Variants in WDR64 observed in about 807,000 individuals in gnomAD.
WDR64 encodes the protein WD repeat-containing protein 64.
In WDR64, 112 loss-of-function variants were observed where a neutral mutation model predicts 139.3. The ratio of observed to expected loss-of-function variants is 0.80; its 90% CI spans 0.69 to 0.94. WDR64 has a LOEUF of 0.94. Ranked by LOEUF, WDR64 falls within the 40% of genes least tolerant of loss-of-function variation. The pLI, the probability that WDR64 is intolerant of heterozygous loss-of-function variation, is 0.00. For synonymous variants in WDR64, 444 were observed against 437.7 expected (o/e 1.01, Z -0.18); for missense variants, 1,206 against 1,293.1 (o/e 0.93, Z 1.03).
In WDR64 at chr1:241,775,163, C is replaced by T. The variant is rs768479175; in HGVS notation, c.2489C>T (p.Ser830Leu). The T allele has an allele frequency of 1.0e-5, 16 of 1,550,988 alleles. No individual in the cohort carries two copies. In the East Asian group the frequency reaches 1.7e-4, roughly 17 times the overall value. ...FTKHSAISLT[S>L]LYTDSCTRIL... ...AAACATTCTGCCATTTCTCTGACAT[C>T]GCTGTATACTGATTCATGTACGAGG... The change falls in exon 21 of 28, where the codon TCG becomes TTG. Residue 830 changes from serine to leucine, a missense_variant. Physicochemically the swap from Ser to Leu is moderately radical, Grantham distance 145 (BLOSUM62 -2). Transcript: ENST00000437684.
At chr1:241,747,948 A>G (rs1390608735) in intron 13 of WDR64, among the ~76,000 whole-genome samples, 1 of 152,168 alleles carries the variant, frequency 6.6e-6, no homozygotes, top group East Asian at 1.9e-4. Flanking sequence ...ATGAGAGTAC[A>G]GCGCTTCTAA....
chr1:241,691,789 A>G lies in WDR64; in HGVS notation c.974+4194A>G, dbSNP rs530991032. On this transcript the variant is annotated intron_variant, in intron 8 of 27. Coordinates refer to ENST00000437684, the MANE Select transcript of WDR64 (RefSeq NM_001367482.1). ...AGCACTTTGGGGGGCCAAGGCGGGC[A>G]GATCACCTGTGCTCAGGAGTTCAAG... Among the ~76,000 whole-genome samples the G allele has an allele frequency of 4.6e-5, 7 of 152,298 alleles. No homozygotes were observed. The South Asian group carries it at 6.2e-4, about 14-fold the overall frequency.
intron 2 of WDR64, among the ~76,000 whole-genome samples, chr1:241,668,622 T>C (rs909963526): frequency 6.7e-6 from 1 of 150,358 alleles, no homozygotes; most frequent in African/African-American, 2.4e-5. Context: ...TTTAAAATAC[T>C]ACCCTTGGCC....
At chr1:241,677,535 C>T (rs1210948375) in intron 4 of WDR64, among the ~76,000 whole-genome samples, 1 of 152,216 alleles carries the variant, frequency 6.6e-6, no homozygotes, top group Non-Finnish European at 1.5e-5. Flanking sequence ...CAGTGAAATA[C>T]TTCAACTACT....
At chr1:241,661,139 A>T (rs2148056550) in intron 2 of WDR64, among the ~76,000 whole-genome samples, 1 of 151,952 alleles carries the variant, frequency 6.6e-6, no homozygotes, top group South Asian at 2.1e-4. Context: ...AAATTAAATA[A>T]TTTTTATAAA....
chr1:241,682,487 T>C (rs963378661), intron 6 of WDR64, among the ~76,000 whole-genome samples: 2 of 151,338 alleles, frequency 1.3e-5, no homozygotes, highest in African/African-American at 4.8e-5. Flanking sequence ...TTGGTCTATG[T>C]GCCTATTTTT....
rs950382809 is a variant in WDR64, at chr1:241,702,761, T to C, written c.975-9041T>C. Among the ~76,000 whole-genome samples the C allele has an allele frequency of 4.6e-5, 7 of 152,290 alleles. No homozygotes were observed. In the East Asian group the frequency reaches 1.4e-3, roughly 29 times the overall value. On this transcript the variant is annotated intron_variant, in intron 8 of 27. Coordinates refer to ENST00000437684, the MANE Select transcript of WDR64 (RefSeq NM_001367482.1). ...AAAAAGAATAATATCTTATGACCCA[T>C]AAAATTGATATGAAATTTAAATTTC...
In WDR64 at chr1:241,674,999, C is replaced by T. The variant is rs1489620972; in HGVS notation, c.483+252C>T. On this transcript the variant is annotated intron_variant, in intron 4 of 27. Transcript: ENST00000437684. ...TTCCTTCTTTCCTCCCTTTCTCCCT[C>T]CCTCTCTTCCTTCCTTTCTTCTTCC... Among the ~76,000 whole-genome samples the T allele has an allele frequency of 6.3e-3, 265 of 42,036 alleles. 38 individuals carry two copies. The highest frequency in any genetic ancestry group is 0.017 in the Middle Eastern group (1 of 60). The allele number at this position is 42,036 out of a possible 152,430, so 27.6% of individuals were successfully genotyped here.
At chr1:241,738,901 T>C (rs1669428047) in intron 11 of WDR64, among the ~76,000 whole-genome samples, 2 of 152,240 alleles carry the variant, frequency 1.3e-5, no homozygotes, top group South Asian at 4.1e-4. Context: ...TGTTGCTATG[T>C]ATAGGGCAAA....
chr1:241,701,652 C>G (rs1300940533), intron 8 of WDR64, among the ~76,000 whole-genome samples: 3 of 136,922 alleles, frequency 2.2e-5, no homozygotes, highest in Non-Finnish European at 3.1e-5. Context: ...TAATGACAAC[C>G]TCAGCAAACA....
At chr1:241,769,587 G>C in intron 17 of WDR64, 82 bp downstream of exon 17, 1 of 1,233,910 alleles carries the variant, frequency 8.1e-7, no homozygotes, top group Non-Finnish European at 1.1e-6. Flanking sequence ...ATTAATTGTG[G>C]TTTTTGCCAT....
At chr1:241,673,741 A>G (rs1666336876) in intron 3 of WDR64, among the ~76,000 whole-genome samples, 1 of 152,174 alleles carries the variant, frequency 6.6e-6, no homozygotes, top group African/African-American at 2.4e-5. Context: ...AATTATAAAA[A>G]TTAAGTGCCC....
At chr1:241,676,832 C>T (rs1044986650) in intron 4 of WDR64, among the ~76,000 whole-genome samples, 5 of 151,114 alleles carry the variant, frequency 3.3e-5, no homozygotes, top group Non-Finnish European at 7.4e-5. Flanking sequence ...ATCCTCCCAC[C>T]TCATGGCCTC....
intron 9 of WDR64, among the ~76,000 whole-genome samples, chr1:241,719,647 TC>T (rs1286684323): frequency 2.0e-5 from 3 of 152,138 alleles, no homozygotes; most frequent in African/African-American, 7.2e-5. Flanking sequence ...TAATTATCCC[TC>T]CATACCTGAC....
chr1:241,711,385 C>G (rs1279261118), intron 8 of WDR64, among the ~76,000 whole-genome samples: 1 of 152,078 alleles, frequency 6.6e-6, no homozygotes, highest in Non-Finnish European at 1.5e-5. Flanking sequence ...GAAAAATTAA[C>G]AGGACTTGAC....
Position 241,783,256 on chromosome 1 carries a change from T to G in WDR64, c.2596-16T>G. On this transcript the variant is annotated splice_polypyrimidine_tract_variant and intron_variant, in intron 22 of 27. Transcript: ENST00000437684. ...TATAGTTATTCCGAGGAATATGCCT[T>G]GTTTTTGCTATCTAGAAATTCAAGC... 6.2e-7 allele frequency: 1 copy of G among 1,606,376 alleles called. No individual in the cohort carries two copies. The highest frequency in any genetic ancestry group is 8.5e-7 in the Non-Finnish European group (1 of 1,173,754).
intron 15 of WDR64, among the ~76,000 whole-genome samples, chr1:241,760,747 T>G (rs1248725575): frequency 6.8e-6 from 1 of 147,160 alleles, no homozygotes; most frequent in Admixed American, 6.9e-5. Context: ...TATATATATA[T>G]AGTGGGTTTC....
Position 241,721,300 on chromosome 1 carries a change from A to G in WDR64, c.1055-1997A>G, listed in dbSNP as rs1039904140. Among the ~76,000 whole-genome samples, 12 of 152,278 alleles carry G rather than the reference A, an allele frequency of 7.9e-5. No homozygotes were observed. In the East Asian group the frequency reaches 2.3e-3, roughly 29 times the overall value. ...CAGGCTCTTTTTTGGTTCCACTTAA[A>G]TTTTAAAATAGTTTCTTCTAATTCT... On this transcript the variant is annotated intron_variant, in intron 9 of 27. Transcript: ENST00000437684.
intron 18 of WDR64, 85 bp downstream of exon 18, chr1:241,770,775 T>C: frequency 8.1e-7 from 1 of 1,233,350 alleles, no homozygotes. Flanking sequence ...TTTGAGCCCC[T>C]CCTTTGATAG....
Sources: gnomAD v4.1 joint callset for allele counts (sites outside exome capture counted in the v4.1 genomes callset) on GRCh38, gnomAD v4.1.1 for gene constraint, MANE v1.5 for transcripts, NCBI Gene and HGNC (gene_info 2026-07-23, HGNC 2026-07-21) for gene names.